ZBTB7C: variants seen among roughly 807,000 people sequenced by gnomAD.
ZBTB7C encodes the protein zinc finger and BTB domain-containing protein 7C.
A neutral mutation model predicts 25.7 loss-of-function variants in ZBTB7C; 8 were observed. The observed-to-expected ratio is 0.31, with a 90% confidence interval of 0.18 to 0.56. The LOEUF is 0.56. Ranked by LOEUF, ZBTB7C falls within the 20% of genes least tolerant of loss-of-function variation. The pLI is 0.91. For synonymous variants in ZBTB7C, 394 were observed against 369.0 expected (o/e 1.07, Z -0.78); for missense variants, 824 against 855.2 (o/e 0.96, Z 0.46).
chr18:48,177,830 G>A (rs1312024162), intron 3 of ZBTB7C, among the ~76,000 whole-genome samples: 1 of 152,152 alleles, frequency 6.6e-6, no homozygotes, highest in Non-Finnish European at 1.5e-5. Context: ...TGTCAGCTCA[G>A]CCTGTAGGGC....
intron 3 of ZBTB7C, among the ~76,000 whole-genome samples, chr18:48,129,226 G>C (rs2039907115): frequency 6.6e-6 from 1 of 152,008 alleles, no homozygotes; most frequent in Non-Finnish European, 1.5e-5. Flanking sequence ...CCAAAGGAGA[G>C]TGGTGAAAAA....
At chr18:48,311,392 A>C (rs1159880357) in intron 2 of ZBTB7C, among the ~76,000 whole-genome samples, 1 of 152,206 alleles carries the variant, frequency 6.6e-6, no homozygotes, top group Non-Finnish European at 1.5e-5. Context: ...GCCTAAGAAG[A>C]AGCCAGGGTC....
chr18:48,271,460 CTGTA>C (rs1289241104), intron 2 of ZBTB7C, among the ~76,000 whole-genome samples: 1 of 148,936 alleles, frequency 6.7e-6, no homozygotes, highest in East Asian at 1.9e-4. Context: ...TATCAATAAA[CTGTA>C]TGTATATGAT....
At position 48,029,250 on chromosome 18, in the gene ZBTB7C, A is replaced by C; in HGVS notation, c.*10T>G. On this transcript the variant is annotated 3_prime_UTR_variant, in exon 5 of 5. Transcript: ENST00000590800. ...GGAGGGCTGGTGGGCTGGAGCCGAC[A>C]GGGACCAGCCTAGTTGTTGGCTTCG... is the stretch of plus-strand genomic sequence containing the variant. 6.5e-7 allele frequency: 1 copy of C among 1,533,204 alleles called. No individual in the cohort carries two copies. The highest frequency in any genetic ancestry group is 8.7e-7 in the Non-Finnish European group (1 of 1,147,954). 95.0% of individuals were successfully genotyped at this position (1,533,204 alleles called of 1,614,324 possible). A position where few individuals can be genotyped will look rare whatever the true frequency, so the allele number is the denominator to read the frequency against.
chr18:48,179,808 T>TTTCCTTCC (rs143452520), intron 3 of ZBTB7C, among the ~76,000 whole-genome samples: 53,811 of 101,486 alleles, frequency 0.53, 12,873 homozygotes, highest in African/African-American at 0.62. Flanking sequence ...TCCTTCCTTA[T>TTTCCTTCC]TTCCTTCCTT....
chr18:48,319,839 A>G (rs749687726), intron 2 of ZBTB7C, among the ~76,000 whole-genome samples: 9 of 152,164 alleles, frequency 5.9e-5, no homozygotes, highest in Non-Finnish European at 1.0e-4. Flanking sequence ...CAATAAAGAG[A>G]CTGTCACATG....
At chr18:48,368,004 G>A (rs1421277546) in intron 1 of ZBTB7C, among the ~76,000 whole-genome samples, 1 of 150,754 alleles carries the variant, frequency 6.6e-6, no homozygotes, top group African/African-American at 2.4e-5. Context: ...TTTAAGTACA[G>A]TACACAGCCT....
chr18:48,039,448 A>G (rs918820464), intron 4 of ZBTB7C, among the ~76,000 whole-genome samples: 1 of 152,172 alleles, frequency 6.6e-6, no homozygotes, highest in South Asian at 2.1e-4. Context: ...GCATGTACTT[A>G]AGGTGCCGAG....
chr18:48,389,572 T>C (rs758794117), intron 1 of ZBTB7C, among the ~76,000 whole-genome samples: 1 of 150,674 alleles, frequency 6.6e-6, no homozygotes, highest in African/African-American at 2.4e-5. Context: ...ATGGTTGTAA[T>C]GGGCAGGATT....
intron 2 of ZBTB7C, among the ~76,000 whole-genome samples, chr18:48,203,110 A>G (rs1055107492): frequency 1.3e-5 from 2 of 152,128 alleles, no homozygotes; most frequent in African/African-American, 4.8e-5. Flanking sequence ...GGAGGCCCAG[A>G]TGCCTAGCTT....
intron 3 of ZBTB7C, among the ~76,000 whole-genome samples, chr18:48,047,806 A>C (rs2036532936): frequency 6.6e-6 from 1 of 152,196 alleles, no homozygotes; most frequent in Non-Finnish European, 1.5e-5. Context: ...TTGTCACGTC[A>C]GTCATCACAC....
chr18:48,300,487 A>C (rs917709555), intron 2 of ZBTB7C, among the ~76,000 whole-genome samples: 10 of 152,182 alleles, frequency 6.6e-5, no homozygotes, highest in African/African-American at 2.4e-4. Context: ...CTGAGGAAAC[A>C]AGTCCTGAGT....
At chr18:48,104,305 C>T (rs1418899063) in intron 3 of ZBTB7C, among the ~76,000 whole-genome samples, 1 of 152,142 alleles carries the variant, frequency 6.6e-6, no homozygotes, top group Admixed American at 6.5e-5. Flanking sequence ...CCTCTCCTCT[C>T]TCTCTCCTGC....
intron 2 of ZBTB7C, among the ~76,000 whole-genome samples, chr18:48,304,472 C>T (rs535374685): frequency 1.3e-5 from 2 of 152,218 alleles, no homozygotes; most frequent in South Asian, 4.1e-4. Context: ...GTCAGGAGTT[C>T]GAGACCAGCC....
intron 3 of ZBTB7C, among the ~76,000 whole-genome samples, chr18:48,154,731 A>G (rs1394829970): frequency 1.3e-5 from 2 of 152,120 alleles, no homozygotes; most frequent in Non-Finnish European, 2.9e-5. Context: ...TCATCCCATA[A>G]TGCACTCGCC....
At chr18:48,387,191 A>G (rs1454557322) in intron 1 of ZBTB7C, among the ~76,000 whole-genome samples, 1 of 152,238 alleles carries the variant, frequency 6.6e-6, no homozygotes, top group Non-Finnish European at 1.5e-5. Flanking sequence ...TGCAGAGACA[A>G]TGAGACTACA....
intron 3 of ZBTB7C, among the ~76,000 whole-genome samples, chr18:48,160,214 C>A (rs1296613776): frequency 1.3e-5 from 2 of 152,106 alleles, no homozygotes; most frequent in African/African-American, 4.8e-5. Context: ...CACTCAGTGA[C>A]AAGGAGCTAG....
chr18:48,251,096 G>A (rs2043841975), intron 2 of ZBTB7C, among the ~76,000 whole-genome samples: 1 of 151,990 alleles, frequency 6.6e-6, no homozygotes, highest in African/African-American at 2.4e-5. Context: ...GCTGGGCGTG[G>A]TTGTGTAGTC....
chr18:48,069,596 G>A (rs1046893855), intron 3 of ZBTB7C, among the ~76,000 whole-genome samples: 5 of 152,060 alleles, frequency 3.3e-5, no homozygotes, highest in African/African-American at 1.2e-4. Context: ...AAAGCAAGTC[G>A]GGCCCCTCTA....
Sources: gnomAD v4.1 joint callset for allele counts (sites outside exome capture counted in the v4.1 genomes callset) on GRCh38, gnomAD v4.1.1 for gene constraint, MANE v1.5 for transcripts, NCBI Gene and HGNC (gene_info 2026-07-23, HGNC 2026-07-21) for gene names.